The following GOPC variants were observed in gnomAD, a reference collection of about 807,000 sequenced individuals.
GOPC encodes the protein golgi associated PDZ and coiled-coil motif containing, also known as Golgi-associated PDZ and coiled-coil motif-containing protein.
In GOPC, 32 loss-of-function variants were observed where a neutral mutation model predicts 51.2. The ratio of observed to expected loss-of-function variants is 0.63; its 90% CI spans 0.47 to 0.84. The LOEUF (loss-of-function observed/expected upper bound fraction) is 0.84. GOPC is among the 40% of genes least tolerant of loss of function. GOPC has a pLI of 0.00. For synonymous variants in GOPC, 190 were observed against 205.1 expected (o/e 0.93, Z 0.63); for missense variants, 441 against 555.5 (o/e 0.79, Z 2.07).
Position 117,575,353 on chromosome 6 carries a change from C to T in GOPC, c.475-1G>A, listed in dbSNP as rs1276146306. On this transcript the variant is annotated splice_acceptor_variant, in intron 3 of 8. Transcript: ENST00000368498. LOFTEE classifies it high-confidence loss of function. ...TTTTGTTTGCCTCAAGCTCTCTTTCCTATGTAATTTTTAAAAGCATATAAT... is the reference window on the plus strand; with the variant it reads ...TTTTGTTTGCCTCAAGCTCTCTTTCTTATGTAATTTTTAAAAGCATATAAT... 6.3e-7 allele frequency: 1 copy of T among 1,589,056 alleles called. No homozygotes were observed. Among genetic ancestry groups the T allele is most frequent in the Non-Finnish European group, 8.6e-7 (1 of 1,167,558 alleles).
At chr6:117,575,144 T>G in intron 4 of GOPC, 33 bp downstream of exon 4, 1 of 1,503,148 alleles carries the variant, frequency 6.7e-7, no homozygotes, top group Non-Finnish European at 9.0e-7. Context: ...AATTTGTCAC[T>G]TAAGAGTACA....
Position 117,570,922 on chromosome 6 carries a change from C to A in GOPC, c.850G>T (p.Gly284Cys). The change falls in exon 6 of 9, where the codon GGT (glycine) becomes TGT (cysteine). Residue 284 changes from glycine to cysteine, a missense_variant. By Grantham distance (159) the Gly-to-Cys change is radical (BLOSUM62 -3). Coordinates refer to ENST00000368498, the MANE Select transcript of GOPC (RefSeq NM_020399.4). ...QDSLKKSQGV[G>C]PIRKVLLLKE... is the part of the protein sequence containing the mutation. ...AGGAGGAGAACTTTTCTAATTGGAC[C>A]AACACCTTGGCTTTTCTTTAGGGAA... is the stretch of plus-strand genomic sequence containing the variant. 2 of 1,595,382 alleles carry A rather than the reference C, an allele frequency of 1.3e-6. No homozygotes were observed. Among genetic ancestry groups the A allele is most frequent in the Non-Finnish European group, 1.7e-6 (2 of 1,167,896 alleles).
chr6:117,575,307 G>C lies in GOPC; in HGVS notation c.520C>G (p.Gln174Glu). The C allele has an allele frequency of 6.2e-7, 1 of 1,612,760 alleles. No individual in the cohort carries two copies. Among genetic ancestry groups the C allele is most frequent in the Non-Finnish European group, 8.5e-7 (1 of 1,179,512 alleles). Residue 174 changes from glutamine to glutamate, a missense_variant, in exon 4 of 9, where the codon CAA becomes GAA. Physicochemically the swap from Gln to Glu is conservative, Grantham distance 29. Around this residue, in one of 3 missense-constraint regions of GOPC, gnomAD observed 204 missense variants for 219.8 expected, o/e 0.93. Transcript: ENST00000368498. ...AACAATTTCACTTCAGCTTCAAGTT[G>C]TGCTTCTTTCATTTTTTCTTTTTTG... The part of the protein sequence containing the change: ...ANKKEKMKEA[Q>E]LEAEVKLLRK...
At chr6:117,598,113 T>A (rs1044259242) in intron 1 of GOPC, among the ~76,000 whole-genome samples, 4 of 151,470 alleles carry the variant, frequency 2.6e-5, no homozygotes, top group Non-Finnish European at 4.4e-5. Flanking sequence ...AATACCAGCA[T>A]TTCGAGAGGT....
At position 117,569,517 on chromosome 6, in the gene GOPC, A is replaced by G. The variant is rs916381660; in HGVS notation, c.1077+55T>C. The G allele has an allele frequency of 1.9e-6, 3 of 1,595,738 alleles. No individual in the cohort carries two copies. The African/African-American group carries it at 4.1e-5, about 22-fold the overall frequency. ...CTTCGTAGGGAAGTATACAGTGTTC[A>G]ATAGATTCATAACCAATTGATAGAT... On this transcript the variant is annotated intron_variant, in intron 7 of 8. Transcript: ENST00000368498.
chr6:117,592,391 G>T (rs559207138), intron 1 of GOPC, among the ~76,000 whole-genome samples: 2 of 152,200 alleles, frequency 1.3e-5, no homozygotes, highest in Admixed American at 6.5e-5. Context: ...CACAAACGTG[G>T]TGGCTTAAAA....
Position 117,577,449 on chromosome 6 carries a change from A to G in GOPC, c.473T>C (p.Leu158Pro). The change falls in exon 3 of 9, where the codon CTG becomes CCG. Residue 158 changes from leucine (L) to proline (P), a missense_variant and splice_region_variant. Physicochemically the swap from Leu to Pro is moderately conservative, Grantham distance 98. Coordinates refer to ENST00000368498, the MANE Select transcript of GOPC (RefSeq NM_020399.4). ...GCAAAACAGAAACAATATACTTACC[A>G]GCTCCTCCACAGAGGGGCCAGACTT... is the stretch of plus-strand genomic sequence containing the variant. ...AKLSGPSVEE[L>P]ERELEANKKE... 6.2e-7 allele frequency: 1 copy of G among 1,605,998 alleles called. No individual in the cohort carries two copies. The highest frequency in any genetic ancestry group is 8.5e-7 in the Non-Finnish European group (1 of 1,176,266).
rs1349105546 is a variant in GOPC at position 117,569,682 on chromosome 6, G to A, written c.967C>T (p.Pro323Ser). The A allele has an allele frequency of 4.3e-6, 7 of 1,609,894 alleles. No individual in the cohort carries two copies. The South Asian group carries it at 7.8e-5, about 18-fold the overall frequency. ...TGCAGCCCTCCGCATCTATCAGCAG[G>A]TTGCCCCGGATGGATCTCAGAGATG... is the stretch of plus-strand genomic sequence containing the variant. ...ILISEIHPGQ[P>S]ADRCGGLHVG... The change falls in exon 7 of 9, where the codon CCT becomes TCT. Residue 323 changes from proline (P) to serine (S), a missense_variant. Physicochemically the swap from Pro to Ser is moderately conservative, Grantham distance 74. Around this residue, in one of 3 missense-constraint regions of GOPC, gnomAD observed 166 missense variants for 267.0 expected, o/e 0.62. Transcript: ENST00000368498.
chr6:117,572,713 C>T (rs1779823393), intron 5 of GOPC, among the ~76,000 whole-genome samples: 1 of 152,302 alleles, frequency 6.6e-6, no homozygotes, highest in Non-Finnish European at 1.5e-5. Context: ...TAATGGGAAC[C>T]ACCAGTGCCC....
Position 117,602,510 on chromosome 6 carries a change from C to A in GOPC, c.-222G>T. On this transcript the variant is annotated 5_prime_UTR_variant, in exon 1 of 9. Coordinates refer to ENST00000368498, the MANE Select transcript of GOPC (RefSeq NM_020399.4). ...CGACACACGGAAGACTCAGTCAGTC[C>A]CACCTCCCAGCCTGCCCCCGCTGCG... 1 of 577,894 alleles carries A rather than the reference C, an allele frequency of 1.7e-6. No homozygotes were observed. The highest frequency in any genetic ancestry group is 3.1e-6 in the Non-Finnish European group (1 of 324,744). The allele number at this position is 577,894 out of a possible 1,614,324, so 35.8% of individuals were successfully genotyped here.
At position 117,560,667 on chromosome 6, in the gene GOPC, C is replaced by T. The variant is rs967949087; in HGVS notation, c.*2587G>A. 2 of 196,562 alleles carry T rather than the reference C, an allele frequency of 1.0e-5. No homozygotes were observed. The highest frequency in any genetic ancestry group is 2.1e-5 in the Non-Finnish European group (2 of 94,484). The allele number at this position is 196,562 out of a possible 1,614,324, so 12.2% of individuals were successfully genotyped here. ...CTCAAATTTATTTTAACAATAGTCT[C>T]ACCACCAAAATGTTGCTTTTCCATC... On this transcript the variant is annotated 3_prime_UTR_variant, in exon 9 of 9. Transcript: ENST00000368498.
intron 7 of GOPC, among the ~76,000 whole-genome samples, chr6:117,569,076 T>A (rs1779755468): frequency 6.6e-6 from 1 of 152,198 alleles, no homozygotes; most frequent in Admixed American, 6.5e-5. Context: ...TTTGAGTAAA[T>A]CCTTTCATCG....
intron 3 of GOPC, 86 bp from the exon 4 acceptor site, chr6:117,575,438 A>C (rs1779866421): frequency 1.0e-6 from 1 of 952,808 alleles, no homozygotes; most frequent in African/African-American, 1.6e-5. Context: ...ACAAAAGCCT[A>C]CAGTTCAACA....
In GOPC at chr6:117,569,809, A is replaced by G. The variant is rs1383317017; in HGVS notation, c.913-73T>C. ...AGTTACCGATTAATCTAGAGATAAA[A>G]TATTTTCTTAAAAATATATTTCATT... On this transcript the variant is annotated intron_variant, in intron 6 of 8. Coordinates refer to ENST00000368498, the MANE Select transcript of GOPC (RefSeq NM_020399.4). The G allele has an allele frequency of 2.1e-6, 3 of 1,414,170 alleles. No individual in the cohort carries two copies. In the African/African-American group the frequency reaches 4.5e-5, roughly 21 times the overall value. The allele number at this position is 1,414,170 out of a possible 1,614,324, so 87.6% of individuals were successfully genotyped here.
chr6:117,574,585 T>C (rs993339645), intron 4 of GOPC, among the ~76,000 whole-genome samples: 1 of 152,172 alleles, frequency 6.6e-6, no homozygotes, highest in African/African-American at 2.4e-5. Flanking sequence ...AGGCACAAAA[T>C]AGTTGAAAAG....
At position 117,563,291 on chromosome 6, in the gene GOPC, T is replaced by C; in HGVS notation, c.1352A>G (p.Asp451Gly). Residue 451 changes from aspartate (D) to glycine (G), a missense_variant, in exon 9 of 9, where the codon GAT becomes GGT. Transcript: ENST00000368498. ...TPLDDGASKL[D>G]DLHTLYHKKS... ...TTTATGATACAGAGTGTGCAGATCA[T>C]CTAATTTTGAAGCACCGTCATCTAG... 1.2e-6 allele frequency: 2 copies of C among 1,613,256 alleles called. No individual in the cohort carries two copies. Among genetic ancestry groups the C allele is most frequent in the Non-Finnish European group, 1.7e-6 (2 of 1,179,270 alleles).
At chr6:117,601,977 C>T (rs1180339590) in intron 1 of GOPC, 27 bp downstream of exon 1, 1 of 1,608,086 alleles carries the variant, frequency 6.2e-7, no homozygotes. Flanking sequence ...GGGTTGGATG[C>T]CATAGCCGCC....
At chr6:117,578,281 G>A (rs1004197190) in intron 2 of GOPC, among the ~76,000 whole-genome samples, 1 of 152,066 alleles carries the variant, frequency 6.6e-6, no homozygotes, top group African/African-American at 2.4e-5. Flanking sequence ...TGAAATGCTG[G>A]CAAAAATTAC....
At chr6:117,588,038 A>T (rs74794272) in intron 1 of GOPC, among the ~76,000 whole-genome samples, 2,680 of 151,702 alleles carry the variant, frequency 0.018, 93 homozygotes, top group African/African-American at 0.062. Flanking sequence ...TCATTTTTAA[A>T]TTTTTTTGTA....
Sources: gnomAD v4.1 joint callset for allele counts (sites outside exome capture counted in the v4.1 genomes callset) on GRCh38, gnomAD v4.1.1 for gene constraint, gnomAD v4.1.1 regional missense constraint, MANE v1.5 for transcripts, NCBI Gene and HGNC (gene_info 2026-07-23, HGNC 2026-07-21) for gene names.